The following PTPRN2 variants were observed in gnomAD, a reference collection of about 807,000 sequenced individuals.
The protein encoded by PTPRN2 is protein tyrosine phosphatase receptor type N2.
A neutral mutation model predicts 118.8 loss-of-function variants in PTPRN2; 74 were observed. The observed-to-expected ratio is 0.62, with a 90% CI of 0.52 to 0.76. The LOEUF (loss-of-function observed/expected upper bound fraction) is 0.76, where lower values mean the gene tolerates loss of function less well. PTPRN2 is among the 30% of genes least tolerant of loss of function. The pLI is 0.00. For missense variants in PTPRN2, 1,481 were observed against 1,394.4 expected (o/e 1.06, Z -0.99); for synonymous variants, 641 against 608.0 (o/e 1.05, Z -0.80).
rs1255823915 is a variant in PTPRN2, at chr7:157,632,556, T to C, written c.2197-11047A>G. On this transcript the variant is annotated intron_variant, in intron 14 of 22. Transcript: ENST00000389418. This position sits in a 1 kb window ranked among gnomAD's most constrained non-coding sequence, Gnocchi z 4.3. ...CATACGATTGATGGATTGTTTTACGTTGGGCATTTTTTAGCAAGATATCAT... is the reference window on the plus strand; with the variant it reads ...CATACGATTGATGGATTGTTTTACGCTGGGCATTTTTTAGCAAGATATCAT... Among the ~76,000 whole-genome samples, 1 of 152,176 alleles carries C rather than the reference T, an allele frequency of 6.6e-6. No individual in the cohort carries two copies. The highest frequency in any genetic ancestry group is 2.4e-5 in the African/African-American group (1 of 41,432).
Position 157,602,871 on chromosome 7 carries a change from C to T in PTPRN2, c.2418+1131G>A, listed in dbSNP as rs191964516. ...AGAAACTTTGGGACACCGTAGGGTG[C>T]GATTTGTGCCTCGATCACCTGCCCC... On this transcript the variant is annotated intron_variant, in intron 16 of 22. Coordinates refer to ENST00000389418, the MANE Select transcript of PTPRN2 (RefSeq NM_002847.5). 3.2e-3 allele frequency among the ~76,000 whole-genome samples: 480 copies of T among 152,352 alleles called. 3 individuals carry two copies. Among genetic ancestry groups the T allele is most frequent in the South Asian group, 6.4e-3 (31 of 4,830 alleles).
intron 1 of PTPRN2, among the ~76,000 whole-genome samples, chr7:158,490,360 C>A (rs1289514756): frequency 1.3e-5 from 2 of 152,178 alleles, no homozygotes; most frequent in Non-Finnish European, 2.9e-5. Flanking sequence ...GAAAGGCCAG[C>A]GCGGCTGGGC....
intron 2 of PTPRN2, among the ~76,000 whole-genome samples, chr7:158,403,662 T>C (rs1400256748): frequency 3.3e-5 from 5 of 152,046 alleles, no homozygotes; most frequent in Non-Finnish European, 7.4e-5. Flanking sequence ...AGGCAGGCAG[T>C]GCGGCAGCCG....
At chr7:157,685,029 C>G (rs1797108350) in intron 12 of PTPRN2, among the ~76,000 whole-genome samples, 1 of 151,890 alleles carries the variant, frequency 6.6e-6, no homozygotes, top group African/African-American at 2.4e-5. Flanking sequence ...GGAGCCATAC[C>G]TGGGCGGGAG....
chr7:157,813,928 G>T lies in PTPRN2; in HGVS notation c.1788+84745C>A, dbSNP rs575006111. Reference sequence around the variant, plus strand: ...TGCTGCTGGTGACCCCGGGGACCCCGCCGTGAGAGCCCCGACACAAGTCGC... The same window carrying T: ...TGCTGCTGGTGACCCCGGGGACCCCTCCGTGAGAGCCCCGACACAAGTCGC... On this transcript the variant is annotated intron_variant, in intron 12 of 22. Coordinates refer to ENST00000389418, the MANE Select transcript of PTPRN2 (RefSeq NM_002847.5). The surrounding 1 kb of genome is among the most constrained non-coding windows in gnomAD (Gnocchi z 4.7). Among the ~76,000 whole-genome samples, 1 of 152,252 alleles carries T rather than the reference G, an allele frequency of 6.6e-6. No individual in the cohort carries two copies. The highest frequency in any genetic ancestry group is 2.4e-5 in the African/African-American group (1 of 41,470).
At chr7:157,772,051 T>C (rs536394449) in intron 12 of PTPRN2, among the ~76,000 whole-genome samples, 65 of 134,264 alleles carry the variant, frequency 4.8e-4, no homozygotes, top group African/African-American at 1.9e-3. Context: ...CACCCACACA[T>C]AGAAATACAC....
At chr7:158,483,797 A>G (rs1820803337) in intron 2 of PTPRN2, among the ~76,000 whole-genome samples, 2 of 152,224 alleles carry the variant, frequency 1.3e-5, no homozygotes, top group South Asian at 4.1e-4. Flanking sequence ...TTTAAAAAAC[A>G]GCTTTATTGA....
intron 12 of PTPRN2, among the ~76,000 whole-genome samples, chr7:157,897,793 C>T (rs151146196): frequency 1.5e-3 from 231 of 152,374 alleles, no homozygotes; most frequent in African/African-American, 5.3e-3. Flanking sequence ...TAAGTGGCTC[C>T]GCAGAGGGCG....
At chr7:158,554,265 A>C (rs1191587708) in intron 1 of PTPRN2, among the ~76,000 whole-genome samples, 1 of 152,190 alleles carries the variant, frequency 6.6e-6, no homozygotes, top group Non-Finnish European at 1.5e-5. Flanking sequence ...ACTCCGTCTC[A>C]AACAACAACA....
intron 11 of PTPRN2, among the ~76,000 whole-genome samples, chr7:157,907,735 G>A (rs575361508): frequency 6.6e-6 from 1 of 152,082 alleles, no homozygotes; most frequent in South Asian, 2.1e-4. Context: ...CCTGTCCGCT[G>A]CGTGTGGGGT....
chr7:158,059,563 C>G (rs1810142269), intron 11 of PTPRN2, among the ~76,000 whole-genome samples: 1 of 122,586 alleles, frequency 8.2e-6, no homozygotes. Flanking sequence ...TGCAGCCACA[C>G]TCCATCTGCC....
In PTPRN2 at chr7:158,138,289, G is replaced by A. The variant is rs899681538; in HGVS notation, c.1132+5C>T. The A allele has an allele frequency of 1.9e-6, 3 of 1,612,112 alleles. No homozygotes were observed. Among genetic ancestry groups the A allele is most frequent in the South Asian group, 1.1e-5 (1 of 90,992 alleles). Reference sequence around the variant, plus strand: ...GGGTGTGGGCACCCATGGCGCTGCAGTCACCTGGAAAGCTGTCTCCACGGA... The same window carrying A: ...GGGTGTGGGCACCCATGGCGCTGCAATCACCTGGAAAGCTGTCTCCACGGA... On this transcript the variant is annotated splice_donor_5th_base_variant and intron_variant, in intron 7 of 22. Transcript: ENST00000389418.
At chr7:158,117,876 C>T (rs1253831119) in intron 9 of PTPRN2, among the ~76,000 whole-genome samples, 1 of 152,166 alleles carries the variant, frequency 6.6e-6, no homozygotes, top group Middle Eastern at 3.4e-3. Context: ...TAAACCAAAG[C>T]TGAGAGAGTT....
chr7:158,255,231 C>T (rs1019926504), intron 3 of PTPRN2, among the ~76,000 whole-genome samples: 3 of 152,190 alleles, frequency 2.0e-5, no homozygotes, highest in Admixed American at 6.5e-5. Context: ...AGACTTCACG[C>T]GAGCACAGCT....
intron 2 of PTPRN2, among the ~76,000 whole-genome samples, chr7:158,348,614 A>T (rs2151259001): frequency 6.6e-6 from 1 of 152,282 alleles, no homozygotes; most frequent in Non-Finnish European, 1.5e-5. Flanking sequence ...CAGGCCCCCA[A>T]CACCTGAGGT....
intron 11 of PTPRN2, among the ~76,000 whole-genome samples, chr7:157,941,753 G>A (rs1434334606): frequency 6.6e-6 from 1 of 152,168 alleles, no homozygotes; most frequent in African/African-American, 2.4e-5. Context: ...TGCATGGAGT[G>A]GGGTCAGCAT....
At chr7:157,769,633 G>T (rs540077638) in intron 12 of PTPRN2, among the ~76,000 whole-genome samples, 7 of 152,236 alleles carry the variant, frequency 4.6e-5, no homozygotes, top group Admixed American at 4.6e-4. Context: ...GGCTCCCTTG[G>T]TCCTGCATAA....
At chr7:158,248,318 C>G (rs1012201341) in intron 3 of PTPRN2, among the ~76,000 whole-genome samples, 17 of 152,320 alleles carry the variant, frequency 1.1e-4, no homozygotes, top group African/African-American at 3.8e-4. Context: ...CAGCAAGCAC[C>G]TGCGTACCCC....
chr7:158,433,167 C>T (rs1420798676), intron 2 of PTPRN2, among the ~76,000 whole-genome samples: 1 of 152,220 alleles, frequency 6.6e-6, no homozygotes, highest in African/African-American at 2.4e-5. Context: ...TTGCATGGAA[C>T]ATCCCACAGT....
Sources: gnomAD v4.1 joint callset for allele counts (sites outside exome capture counted in the v4.1 genomes callset) on GRCh38, gnomAD v4.1.1 for gene constraint, Gnocchi (gnomAD v3.1) non-coding constraint, MANE v1.5 for transcripts, NCBI Gene and HGNC (gene_info 2026-07-23, HGNC 2026-07-21) for gene names.